MAP3K7CL: variants seen among roughly 807,000 people sequenced by gnomAD.
MAP3K7CL encodes the protein MAP3K7 C-terminal like.
A neutral mutation model predicts 18.6 loss-of-function variants in MAP3K7CL; 16 were observed. The ratio of observed to expected loss-of-function variants is 0.86; its 90% CI spans 0.58 to 1.31. MAP3K7CL has a LOEUF of 1.31. Among genes scored for constraint, MAP3K7CL ranks in the 50% most tolerant of loss-of-function variants. The probability of loss-of-function intolerance (pLI) is 0.00; values close to 1 mark genes in which losing one functional copy is unlikely to be tolerated. For synonymous variants in MAP3K7CL, 65 were observed against 66.8 expected, an observed-to-expected ratio of 0.97 and a Z score of 0.13; for missense variants, 163 against 174.4, an observed-to-expected ratio of 0.93 and a Z score of 0.37.
chr21:29,096,844 CT>C (rs762623194), intron 4 of MAP3K7CL, among the ~76,000 whole-genome samples: 3 of 152,174 alleles, frequency 2.0e-5, no homozygotes, highest in Non-Finnish European at 4.4e-5. Flanking sequence ...ATGTGCTGCT[CT>C]TATTCTTCCC....
intron 3 of MAP3K7CL, among the ~76,000 whole-genome samples, chr21:29,150,529 G>A (rs1236857889): frequency 6.6e-6 from 1 of 152,250 alleles, no homozygotes; most frequent in South Asian, 2.1e-4. Flanking sequence ...AATTGTATAG[G>A]AGGTCGGAGG....
At chr21:29,098,854 C>G (rs77945330) in intron 4 of MAP3K7CL, among the ~76,000 whole-genome samples, 3 of 152,146 alleles carry the variant, frequency 2.0e-5, no homozygotes, top group African/African-American at 7.2e-5. Flanking sequence ...CTTTCTCTAC[C>G]TTATCTGCTC....
At chr21:29,134,102 C>G (rs2086834016) in intron 2 of MAP3K7CL, among the ~76,000 whole-genome samples, 1 of 152,220 alleles carries the variant, frequency 6.6e-6, no homozygotes, top group Non-Finnish European at 1.5e-5. Flanking sequence ...CGCCATTGCT[C>G]TTAGTTTAAT....
intron 2 of MAP3K7CL, among the ~76,000 whole-genome samples, chr21:29,146,801 T>C (rs1210387238): frequency 6.6e-6 from 1 of 152,252 alleles, no homozygotes; most frequent in Non-Finnish European, 1.5e-5. Context: ...GACTAAAATA[T>C]ACCAGAGACT....
At chr21:29,090,427 C>G (rs913337987) in intron 1 of MAP3K7CL, among the ~76,000 whole-genome samples, 6 of 152,000 alleles carry the variant, frequency 3.9e-5, no homozygotes, top group African/African-American at 1.5e-4. Context: ...GTCGCCCAGG[C>G]TGGAGTGCAG....
intron 4 of MAP3K7CL, among the ~76,000 whole-genome samples, chr21:29,113,345 A>G (rs2086451939): frequency 6.6e-6 from 1 of 152,158 alleles, no homozygotes; most frequent in Non-Finnish European, 1.5e-5. Flanking sequence ...ATGCAATATT[A>G]GTTGGGAAAT....
At chr21:29,081,558 A>T (rs1228195733), upstream of MAP3K7CL, among the ~76,000 whole-genome samples, 2 of 152,250 alleles carry the variant, frequency 1.3e-5, no homozygotes, top group African/African-American at 4.8e-5. Flanking sequence ...GTCTCAAAAA[A>T]AAAAAAATTG....
At chr21:29,143,978 G>A (rs1291311936) in intron 2 of MAP3K7CL, among the ~76,000 whole-genome samples, 1 of 152,122 alleles carries the variant, frequency 6.6e-6, no homozygotes, top group Non-Finnish European at 1.5e-5. Flanking sequence ...CTAAATGTAT[G>A]TAATATAATG....
At chr21:29,110,965 G>A (rs1050582114) in intron 4 of MAP3K7CL, among the ~76,000 whole-genome samples, 2 of 152,192 alleles carry the variant, frequency 1.3e-5, no homozygotes, top group Admixed American at 6.5e-5. Context: ...TGTAAAAAAT[G>A]TTCCTTGGGG....
chr21:29,098,592 T>C lies in MAP3K7CL; in HGVS notation c.370+6011T>C, dbSNP rs78310325. Among the ~76,000 whole-genome samples, 1,180 of 152,368 alleles carry C rather than the reference T, an allele frequency of 7.7e-3. 16 individuals are homozygous for C. The highest frequency in any genetic ancestry group is 0.027 in the African/African-American group (1,104 of 41,576). On this transcript the variant is annotated intron_variant, in intron 4 of 6. Transcript: ENST00000286791. ...CAAAGAAGCGATCTTCTTTAATCTT[T>C]ACAATAATAAAGGAAAAGGGAGGTA... is the stretch of plus-strand genomic sequence containing the variant.
rs56775764 is a variant in MAP3K7CL at position 29,087,589 on chromosome 21, CTTTT to C, written c.57+1691_57+1694del. ...TAAATCTAATGCTCATTTTCTTTTT[CTTTT>C]TTTTTTTTTTTTTTTTTTGAGACAG... On this transcript the variant is annotated intron_variant, in intron 1 of 6. Coordinates refer to the MAP3K7CL transcript ENST00000286791. Among the ~76,000 whole-genome samples, 13 of 104,304 alleles carry C rather than the reference CTTTT, an allele frequency of 1.2e-4. No homozygotes were observed. In the East Asian group the frequency reaches 3.6e-3, roughly 29 times the overall value. 68.4% of individuals were successfully genotyped at this position (104,304 alleles called of 152,430 possible). A position where few individuals can be genotyped will look rare whatever the true frequency, so the allele number is the denominator to read the frequency against.
intron 4 of MAP3K7CL, among the ~76,000 whole-genome samples, chr21:29,162,568 A>G (rs572036213): frequency 6.6e-6 from 1 of 151,744 alleles, no homozygotes; most frequent in East Asian, 1.9e-4. Flanking sequence ...ATGTAATCCC[A>G]GCTACTCGGG....
chr21:29,100,294 A>T (rs1444343893), intron 4 of MAP3K7CL, among the ~76,000 whole-genome samples: 1 of 152,188 alleles, frequency 6.6e-6, no homozygotes, highest in Non-Finnish European at 1.5e-5. Flanking sequence ...CTTAGTATAA[A>T]TATCATTTCA....
At chr21:29,173,172 G>A (rs2087884477) in intron 4 of MAP3K7CL, among the ~76,000 whole-genome samples, 1 of 152,188 alleles carries the variant, frequency 6.6e-6, no homozygotes, top group Admixed American at 6.5e-5. Flanking sequence ...CCTAGGAGGA[G>A]AAGCCTTGGG....
chr21:29,140,659 TG>T (rs1261188853), intron 2 of MAP3K7CL, among the ~76,000 whole-genome samples: 1 of 152,162 alleles, frequency 6.6e-6, no homozygotes, highest in Non-Finnish European at 1.5e-5. Flanking sequence ...CCAAAGGCCA[TG>T]GGGTTGATGG....
chr21:29,086,560 C>T (rs2085928894), intron 1 of MAP3K7CL, among the ~76,000 whole-genome samples: 1 of 152,202 alleles, frequency 6.6e-6, no homozygotes, highest in African/African-American at 2.4e-5. Context: ...GGCTGATCAA[C>T]ATTTCACTTC....
intron 1 of MAP3K7CL, among the ~76,000 whole-genome samples, chr21:29,087,871 G>A (rs1221840792): frequency 1.3e-5 from 2 of 152,050 alleles, no homozygotes; most frequent in Non-Finnish European, 2.9e-5. Context: ...GGGATTACAG[G>A]TGTGAGCCAC....
chr21:29,143,000 C>A (rs1445527096), intron 2 of MAP3K7CL, among the ~76,000 whole-genome samples: 2 of 152,212 alleles, frequency 1.3e-5, no homozygotes, highest in Admixed American at 6.5e-5. Context: ...AGCCTCAACA[C>A]TTAAGCCACT....
intron 3 of MAP3K7CL, chr21:29,092,354 A>G (rs2086042995): frequency 6.6e-7 from 1 of 1,523,694 alleles, no homozygotes; most frequent in South Asian, 1.1e-5. Flanking sequence ...ATTTCTTCTC[A>G]GGGAAAAAAA....
Sources: allele counts gnomAD v4.1 joint callset (sites outside exome capture counted in the v4.1 genomes callset), GRCh38; gene constraint gnomAD v4.1.1; transcripts MANE v1.5; gene names NCBI Gene and HGNC (gene_info 2026-07-23, HGNC 2026-07-21).